Variants in POU6F2 observed in about 807,000 individuals in gnomAD.
POU6F2 encodes the protein POU domain, class 6, transcription factor 2.
Under a neutral mutation model 71.3 loss-of-function variants are expected in POU6F2, and 31 were observed. That is an observed-to-expected ratio of 0.43 (90% CI 0.33 to 0.59). POU6F2 has a LOEUF of 0.59. POU6F2 is among the 20% of genes least tolerant of loss of function. The pLI is 0.04. For synonymous variants in POU6F2, 347 were observed against 355.7 expected (o/e 0.98, Z 0.27); for missense variants, 783 against 856.8 (o/e 0.91, Z 1.07).
intron 4 of POU6F2, among the ~76,000 whole-genome samples, chr7:39,289,358 A>C (rs550847825): frequency 1.3e-5 from 2 of 152,340 alleles, no homozygotes; most frequent in African/African-American, 2.4e-5. Context: ...TTTTATTTTC[A>C]AGTCAAACTG....
chr7:39,109,806 G>A (rs1474391807), intron 2 of POU6F2, among the ~76,000 whole-genome samples: 2 of 152,168 alleles, frequency 1.3e-5, no homozygotes, highest in African/African-American at 2.4e-5. Flanking sequence ...TGATTCCAGA[G>A]CTCAGAGAGG....
chr7:39,389,059 CAG>C (rs76197345), intron 5 of POU6F2, among the ~76,000 whole-genome samples: 2,894 of 152,220 alleles, frequency 0.019, 79 homozygotes, highest in East Asian at 0.1. Context: ...ATGTTTGTCA[CAG>C]AGAAATATAT....
intron 1 of POU6F2, among the ~76,000 whole-genome samples, chr7:39,053,653 A>G (rs532998947): frequency 6.6e-6 from 1 of 151,770 alleles, no homozygotes; most frequent in Non-Finnish European, 1.5e-5. Flanking sequence ...ATAATTGCCC[A>G]TTTTTTTTCT....
At chr7:39,439,926 C>T (rs1382975670) in intron 7 of POU6F2, among the ~76,000 whole-genome samples, 1 of 151,924 alleles carries the variant, frequency 6.6e-6, no homozygotes, top group Non-Finnish European at 1.5e-5. Context: ...GATTTTATTT[C>T]TCCTTCGCTT....
chr7:39,415,996 G>A (rs975734196), intron 6 of POU6F2, among the ~76,000 whole-genome samples: 1 of 151,482 alleles, frequency 6.6e-6, no homozygotes, highest in African/African-American at 2.4e-5. Context: ...TGGCTGTTCC[G>A]CAGACATGTC....
chr7:39,257,392 G>A (rs1784044880), intron 4 of POU6F2, among the ~76,000 whole-genome samples: 1 of 84,648 alleles, frequency 1.2e-5, no homozygotes, highest in East Asian at 3.0e-3. Flanking sequence ...CATTTTTGAA[G>A]GGAAAAAAAA....
intron 4 of POU6F2, among the ~76,000 whole-genome samples, chr7:39,264,347 G>A (rs369179784): frequency 1.3e-5 from 2 of 152,322 alleles, no homozygotes; most frequent in South Asian, 4.1e-4. Flanking sequence ...GCACTTGGAC[G>A]CCCAGCCATC....
rs1216078611 is a variant in POU6F2, at chr7:39,016,071, A to ATTATATAT, written c.105+38013_105+38014insTTATATAT. Among the ~76,000 whole-genome samples the ATTATATAT allele has an allele frequency of 7.7e-4, 41 of 53,208 alleles. 1 individual carries two copies. The highest frequency in any genetic ancestry group is 0.013 in the Middle Eastern group (1 of 76). The allele number at this position is 53,208 out of a possible 152,430, so 34.9% of individuals were successfully genotyped here. A position where few individuals can be genotyped will look rare whatever the true frequency, so the allele number is the denominator to read the frequency against. ...ATTATATATATTATATATAATATAT[A>ATTATATAT]GATATATATTATATCTATATTATAC... On this transcript the variant is annotated intron_variant, in intron 1 of 9. Transcript: ENST00000518318.
chr7:39,351,325 A>AT (rs774856663), intron 5 of POU6F2, among the ~76,000 whole-genome samples: 19 of 152,150 alleles, frequency 1.2e-4, no homozygotes, highest in Non-Finnish European at 2.1e-4. Context: ...CCCTCCCCAG[A>AT]TTCACAGCCC....
At chr7:38,991,070 C>T (rs935046829) in intron 1 of POU6F2, among the ~76,000 whole-genome samples, 15 of 152,042 alleles carry the variant, frequency 9.9e-5, no homozygotes, top group African/African-American at 3.6e-4. Flanking sequence ...AGAGACTATG[C>T]TGCCCCCTGG....
intron 2 of POU6F2, among the ~76,000 whole-genome samples, chr7:39,138,933 A>C (rs984332979): frequency 1.3e-5 from 2 of 152,014 alleles, no homozygotes; most frequent in Non-Finnish European, 2.9e-5. Context: ...AGTAAATTAG[A>C]ATTTATCACC....
chr7:39,406,092 G>T (rs1787420414), intron 5 of POU6F2: 1 of 153,890 alleles, frequency 6.5e-6, no homozygotes. Context: ...AAGAAAGTGG[G>T]GTGGAACACC....
rs983651537 is a variant in POU6F2, at chr7:39,323,972, G to A, written c.599-15670G>A. Among the ~76,000 whole-genome samples the A allele has an allele frequency of 3.3e-5, 5 of 152,006 alleles. No homozygotes were observed. In the East Asian group the frequency reaches 9.7e-4, roughly 29 times the overall value. ...AAAATACAAAAATTAGCCAGGCCTG[G>A]TCGTGGGTGCCTGTAATCCCAGCTA... On this transcript the variant is annotated intron_variant, in intron 4 of 9. Coordinates refer to ENST00000518318, the MANE Select transcript of POU6F2 (RefSeq NM_001370959.1).
chr7:39,027,253 T>G (rs979877392), intron 1 of POU6F2, among the ~76,000 whole-genome samples: 1 of 152,194 alleles, frequency 6.6e-6, no homozygotes, highest in Non-Finnish European at 1.5e-5. Flanking sequence ...TGGGTACCTT[T>G]GATATTGCAA....
chr7:39,084,442 C>T lies in POU6F2; in HGVS notation c.106-1418C>T, dbSNP rs77220763. On this transcript the variant is annotated intron_variant, in intron 1 of 9. Transcript: ENST00000518318. Reference sequence around the variant, plus strand: ...ATCAAGGTATTCAAAAGGGAGGATTCGGCTCAGCTAAATGCGTGCTGAGTG... The same window carrying T: ...ATCAAGGTATTCAAAAGGGAGGATTTGGCTCAGCTAAATGCGTGCTGAGTG... Among the ~76,000 whole-genome samples, 1,583 of 152,262 alleles carry T rather than the reference C, an allele frequency of 0.01. 127 individuals carry two copies. The East Asian group carries it at 0.22, about 21-fold the overall frequency.
chr7:39,305,792 T>C (rs1304444519), intron 4 of POU6F2, among the ~76,000 whole-genome samples: 1 of 152,226 alleles, frequency 6.6e-6, no homozygotes, highest in Admixed American at 6.5e-5. Flanking sequence ...TGTTCTTCAA[T>C]GTGCAGAGAA....
chr7:39,225,981 AAAAAAAAC>A lies in POU6F2; in HGVS notation c.598+18362_598+18369del. Reference sequence around the variant, plus strand: ...TAAAAAAAAAAGGTTGTTTTTTTTTAAAAAAAACCAACATTTTTCTAATGTACATTAAG... The same window carrying A: ...TAAAAAAAAAAGGTTGTTTTTTTTTACAACATTTTTCTAATGTACATTAAG... On this transcript the variant is annotated intron_variant, in intron 4 of 9. Transcript: ENST00000518318. Among the ~76,000 whole-genome samples, 3 of 150,534 alleles carry A rather than the reference AAAAAAAAC, an allele frequency of 2.0e-5. 1 individual carries two copies. In the East Asian group the frequency reaches 5.8e-4, roughly 29 times the overall value.
intron 4 of POU6F2, among the ~76,000 whole-genome samples, chr7:39,226,403 T>A (rs1794461281): frequency 6.6e-6 from 1 of 152,220 alleles, no homozygotes; most frequent in Admixed American, 6.5e-5. Flanking sequence ...TTTCAGCTAC[T>A]GTTGTTGAAT....
intron 1 of POU6F2, among the ~76,000 whole-genome samples, chr7:39,010,201 T>A (rs1364335104): frequency 7.3e-6 from 1 of 136,414 alleles, no homozygotes; most frequent in African/African-American, 2.6e-5. Flanking sequence ...CAATTTCAGA[T>A]CCTGTTATTG....
Sources: gnomAD v4.1 joint callset for allele counts (sites outside exome capture counted in the v4.1 genomes callset) on GRCh38, gnomAD v4.1.1 for gene constraint, MANE v1.5 for transcripts, NCBI Gene and HGNC (gene_info 2026-07-23, HGNC 2026-07-21) for gene names.